The following MCC variants were observed in gnomAD, a reference collection of about 807,000 sequenced individuals.
MCC encodes the protein colorectal mutant cancer protein.
MCC carries 90 observed loss-of-function variants against 116.2 expected under a neutral mutation model. The observed-to-expected ratio is 0.77, with a 90% confidence interval of 0.65 to 0.92. The LOEUF (loss-of-function observed/expected upper bound fraction) is 0.92. MCC is among the 40% of genes least tolerant of loss of function. The pLI is 0.00. For synonymous variants in MCC, 578 were observed against 510.5 expected (o/e 1.13, Z -1.78); for missense variants, 1,516 against 1,312.2 (o/e 1.16, Z -2.40).
chr5:113,295,055 C>T, intron 3 of MCC: 1 of 594,236 alleles, frequency 1.7e-6, no homozygotes, highest in African/African-American at 2.0e-5. Flanking sequence ...GCAGAGGAGA[C>T]CGTGCTGGGA....
intron 8 of MCC, among the ~76,000 whole-genome samples, chr5:113,089,596 G>C (rs1048556750): frequency 6.6e-6 from 1 of 152,214 alleles, no homozygotes; most frequent in Non-Finnish European, 1.5e-5. Context: ...TGTACAGACG[G>C]AAATGTTCTA....
At chr5:113,070,557 T>A (rs1561777880) in intron 12 of MCC, among the ~76,000 whole-genome samples, 2 of 152,198 alleles carry the variant, frequency 1.3e-5, no homozygotes, top group African/African-American at 4.8e-5. Flanking sequence ...TGGGATTTTA[T>A]CCAGAGGAAA....
rs139866271 is a variant in MCC, at chr5:113,053,772, G to A, written c.2401C>T (p.Leu801=). 6.8e-6 allele frequency: 11 copies of A among 1,613,644 alleles called. No homozygotes were observed. In the African/African-American group the frequency reaches 1.3e-4, roughly 20 times the overall value. ...DVKPRGDSQR[L]DLENAVLMQE... ...ATAAGCACTGCGTTTTCCAGATCCA[G>A]CCTCTGGCTGTCTCCCCGAGGCTTG... The change falls in exon 15 of 19, where the codon CTG becomes TTG. Residue 801 remains leucine (L), a synonymous_variant. Transcript: ENST00000408903.
In MCC at chr5:113,195,277, G is replaced by A. The variant is rs148365414; in HGVS notation, c.628-43855C>T. On this transcript the variant is annotated intron_variant, in intron 3 of 18. Transcript: ENST00000408903. Reference sequence around the variant, plus strand: ...GACCAGTGTTCCTTAATGGCACCCAGCATCGGGAATGTAGAACCTCTACCA... The same window carrying A: ...GACCAGTGTTCCTTAATGGCACCCAACATCGGGAATGTAGAACCTCTACCA... Among the ~76,000 whole-genome samples the A allele has an allele frequency of 4.1e-3, 632 of 152,320 alleles. 4 individuals carry two copies. Among genetic ancestry groups the A allele is most frequent in the African/African-American group, 0.014 (600 of 41,570 alleles).
intron 3 of MCC, among the ~76,000 whole-genome samples, chr5:113,332,309 G>T (rs541010860): frequency 1.3e-5 from 2 of 151,656 alleles, no homozygotes; most frequent in African/African-American, 4.9e-5. Flanking sequence ...CGCCCAAGCA[G>T]TTGGAACTAG....
At chr5:113,468,228 A>T (rs1480678389) in intron 1 of MCC, among the ~76,000 whole-genome samples, 2 of 152,086 alleles carry the variant, frequency 1.3e-5, no homozygotes, top group African/African-American at 4.8e-5. Context: ...GTTGAATAGG[A>T]GTGGTGAGAG....
At chr5:113,234,057 T>C (rs541059370) in intron 3 of MCC, among the ~76,000 whole-genome samples, 1 of 152,344 alleles carries the variant, frequency 6.6e-6, no homozygotes, top group East Asian at 1.9e-4. Context: ...AACTTAAAGC[T>C]CTATTCTGAC....
intron 5 of MCC, among the ~76,000 whole-genome samples, chr5:113,139,161 C>T (rs1405548356): frequency 1.3e-5 from 2 of 152,128 alleles, no homozygotes; most frequent in Non-Finnish European, 1.5e-5. Flanking sequence ...CACTTCGACT[C>T]TGTTTGTTCA....
intron 5 of MCC, among the ~76,000 whole-genome samples, chr5:113,140,710 C>A (rs1759124717): frequency 6.6e-6 from 1 of 152,156 alleles, no homozygotes. Flanking sequence ...TGATTTTTAG[C>A]TTCTCCAATA....
At chr5:113,047,844 A>AC (rs938412468) in intron 16 of MCC, among the ~76,000 whole-genome samples, 3 of 151,752 alleles carry the variant, frequency 2.0e-5, no homozygotes, top group East Asian at 3.9e-4. Context: ...AGAAAAAAAA[A>AC]AAAACACCTG....
At chr5:113,046,782 G>A (rs1324967855) in intron 16 of MCC, among the ~76,000 whole-genome samples, 1 of 147,668 alleles carries the variant, frequency 6.8e-6, no homozygotes, top group Admixed American at 6.8e-5. Context: ...TGTGAACCCA[G>A]ATACAGTACC....
At chr5:113,126,226 C>T (rs574340580) in intron 5 of MCC, among the ~76,000 whole-genome samples, 68 of 152,340 alleles carry the variant, frequency 4.5e-4, no homozygotes, top group African/African-American at 1.6e-3. Flanking sequence ...CCTCAGGAGA[C>T]AGGCATTAGA....
chr5:113,063,700 T>A (rs1753380230), intron 14 of MCC, among the ~76,000 whole-genome samples: 2 of 152,168 alleles, frequency 1.3e-5, no homozygotes, highest in South Asian at 4.1e-4. Flanking sequence ...AGAAAATGGA[T>A]CTGACAGAAA....
Position 113,027,451 on chromosome 5 carries a change from TCTTTG to T in MCC, c.2906_2910del (p.Ala969GlufsTer22), listed in dbSNP as rs1750633784. On this transcript the variant is annotated frameshift_variant, in exon 19 of 19. Coordinates refer to ENST00000408903, the MANE Select transcript of MCC (RefSeq NM_001085377.2). LOFTEE classifies it high-confidence loss of function. ...TTCTTCAGTTTGTTTTGATGCTTTT[TCTTTG>T]CTTTCTCATAGGCAGCCACCAGGTT... 6.2e-7 allele frequency: 1 copy of T among 1,614,106 alleles called. No individual in the cohort carries two copies. The highest frequency in any genetic ancestry group is 1.3e-5 in the African/African-American group (1 of 74,938).
intron 7 of MCC, 32 bp downstream of exon 7, chr5:113,104,159 CA>C (rs761326384): frequency 3.8e-6 from 6 of 1,559,002 alleles, no homozygotes; most frequent in Non-Finnish European, 4.3e-6. Flanking sequence ...TTCAGAACCT[CA>C]AAGGGCCTCA....
chr5:113,100,238 C>T (rs1756311880), intron 8 of MCC, among the ~76,000 whole-genome samples: 2 of 152,204 alleles, frequency 1.3e-5, no homozygotes, highest in South Asian at 4.2e-4. Flanking sequence ...TAATTTCTTC[C>T]ATATTTTTCA....
intron 6 of MCC, among the ~76,000 whole-genome samples, chr5:113,108,575 TC>T (rs1348155595): frequency 7.0e-6 from 1 of 143,224 alleles, no homozygotes; most frequent in Non-Finnish European, 1.5e-5. Context: ...ATCGCTTGAA[TC>T]CGGCAGGTGG....
chr5:113,091,000 G>A (rs1755588005), intron 8 of MCC, among the ~76,000 whole-genome samples: 1 of 152,222 alleles, frequency 6.6e-6, no homozygotes, highest in South Asian at 2.1e-4. Context: ...GAGCGTGGGA[G>A]GGAGGAGATG....
chr5:113,064,024 C>G lies in MCC; in HGVS notation c.2173G>C (p.Val725Leu). 3 of 1,613,884 alleles carry G rather than the reference C, an allele frequency of 1.9e-6. No individual in the cohort carries two copies. Among genetic ancestry groups the G allele is most frequent in the East Asian group, 2.2e-5 (1 of 44,882 alleles). ...GGAFAVAGCS[V>L]QPWESLSSNS... ...GAGGAAAGGCTCTCCCAGGGCTGCACGCTGCAGCCGGCCACGGCAAAGGCT... is the reference window on the plus strand; with the variant it reads ...GAGGAAAGGCTCTCCCAGGGCTGCAGGCTGCAGCCGGCCACGGCAAAGGCT... The change falls in exon 14 of 19, where the codon GTG (valine) becomes CTG (leucine). Residue 725 changes from valine to leucine, a missense_variant. By Grantham distance (32) the Val-to-Leu change is conservative. Coordinates refer to ENST00000408903, the MANE Select transcript of MCC (RefSeq NM_001085377.2).
Sources: allele counts gnomAD v4.1 joint callset (sites outside exome capture counted in the v4.1 genomes callset), GRCh38; gene constraint gnomAD v4.1.1; transcripts MANE v1.5; gene names NCBI Gene and HGNC (gene_info 2026-07-23, HGNC 2026-07-21).